MAP4K3: variants seen among roughly 807,000 people sequenced by gnomAD.
The protein encoded by MAP4K3 is mitogen-activated protein kinase kinase kinase kinase 3, also known as MAPK/ERK kinase kinase kinase 3.
MAP4K3 carries 94 observed loss-of-function variants against 143.5 expected under a neutral mutation model. The observed-to-expected ratio is 0.65, with a 90% CI of 0.55 to 0.78. The LOEUF (loss-of-function observed/expected upper bound fraction) is 0.78. Ranked by LOEUF, MAP4K3 falls within the 30% of genes least tolerant of loss-of-function variation. MAP4K3 has a pLI of 0.00. For synonymous variants in MAP4K3, 416 were observed against 347.2 expected (o/e 1.20, Z -2.20); for missense variants, 1,077 against 1,068.1 (o/e 1.01, Z -0.12).
chr2:39,425,948 T>TG (rs1491552233), intron 1 of MAP4K3, among the ~76,000 whole-genome samples: 2 of 152,306 alleles, frequency 1.3e-5, no homozygotes, highest in South Asian at 2.1e-4. Context: ...GAAATCAACT[T>TG]GGATATTAAA....
chr2:39,311,613 AG>A (rs1288391913), intron 13 of MAP4K3, among the ~76,000 whole-genome samples: 1 of 152,202 alleles, frequency 6.6e-6, no homozygotes, highest in African/African-American at 2.4e-5. Context: ...CTTGCTCTGG[AG>A]GAAGTCACAT....
chr2:39,370,558 C>T (rs1265915679), intron 2 of MAP4K3, among the ~76,000 whole-genome samples: 1 of 152,078 alleles, frequency 6.6e-6, no homozygotes, highest in Non-Finnish European at 1.5e-5. Flanking sequence ...CTTTGGAGGT[C>T]CATGAAAAAA....
intron 1 of MAP4K3, among the ~76,000 whole-genome samples, chr2:39,378,794 A>G (rs1666287440): frequency 6.6e-6 from 1 of 151,958 alleles, no homozygotes; most frequent in South Asian, 2.1e-4. Context: ...CACTTTAAAA[A>G]ATCAAATTAT....
At chr2:39,366,466 C>T (rs116685139) in intron 2 of MAP4K3, among the ~76,000 whole-genome samples, 2,439 of 152,240 alleles carry the variant, frequency 0.016, 49 homozygotes, top group African/African-American at 0.045. Context: ...ATGTTTCAGA[C>T]GAAATTTCAG....
chr2:39,365,168 G>C (rs946537100), intron 2 of MAP4K3, among the ~76,000 whole-genome samples: 2 of 152,092 alleles, frequency 1.3e-5, no homozygotes, highest in Non-Finnish European at 2.9e-5. Flanking sequence ...CTATACTAGA[G>C]TCAGGCTGGA....
At chr2:39,269,696 G>T (rs1188595846) in intron 26 of MAP4K3, among the ~76,000 whole-genome samples, 4 of 151,986 alleles carry the variant, frequency 2.6e-5, no homozygotes, top group African/African-American at 9.7e-5. Context: ...TTAAGTACTT[G>T]TCTTTGTGAA....
intron 3 of MAP4K3, among the ~76,000 whole-genome samples, chr2:39,348,550 T>C (rs989574228): frequency 2.0e-5 from 3 of 152,192 alleles, no homozygotes; most frequent in African/African-American, 7.2e-5. Flanking sequence ...CACTAAGCCA[T>C]ATGCCTAATA....
chr2:39,420,938 T>C (rs1476585195), intron 1 of MAP4K3, among the ~76,000 whole-genome samples: 1 of 152,150 alleles, frequency 6.6e-6, no homozygotes, highest in Non-Finnish European at 1.5e-5. Context: ...TAACTCCACA[T>C]CTTGCTTCAC....
rs1434152059 is a variant in MAP4K3, at chr2:39,291,158, A to G, written c.1272-824T>C. On this transcript the variant is annotated intron_variant, in intron 18 of 33. Transcript: ENST00000263881. The stretch of plus-strand genomic sequence containing the variant: ...GAATGTTCCAACACAAAGAAATGAT[A>G]AATGTTTGAGATGATGGATATGCTA... 2.0e-5 allele frequency among the ~76,000 whole-genome samples: 3 copies of G among 152,224 alleles called. No individual in the cohort carries two copies. The East Asian group carries it at 5.8e-4, about 29-fold the overall frequency.
At chr2:39,424,126 T>C (rs899859965) in intron 1 of MAP4K3, among the ~76,000 whole-genome samples, 1 of 152,102 alleles carries the variant, frequency 6.6e-6, no homozygotes, top group African/African-American at 2.4e-5. Context: ...ATATTTTTCG[T>C]AGAGACAGGG....
chr2:39,330,612 C>T (rs1036686965), intron 8 of MAP4K3, among the ~76,000 whole-genome samples: 35 of 151,984 alleles, frequency 2.3e-4, no homozygotes, highest in African/African-American at 7.7e-4. Flanking sequence ...GGGAAAATGA[C>T]TCCAGGAAGG....
intron 2 of MAP4K3, among the ~76,000 whole-genome samples, chr2:39,359,169 C>T (rs1665694714): frequency 6.6e-6 from 1 of 152,144 alleles, no homozygotes; most frequent in Non-Finnish European, 1.5e-5. Context: ...ACAGCTGTTC[C>T]AATGGGAGAA....
chr2:39,340,563 A>G (rs1195814770), intron 4 of MAP4K3, among the ~76,000 whole-genome samples: 6 of 152,210 alleles, frequency 3.9e-5, no homozygotes, highest in Non-Finnish European at 2.9e-5. Flanking sequence ...GAATCATGAC[A>G]ACCTATTTCT....
chr2:39,349,259 A>T (rs1665382056), intron 3 of MAP4K3, among the ~76,000 whole-genome samples: 1 of 152,214 alleles, frequency 6.6e-6, no homozygotes, highest in Non-Finnish European at 1.5e-5. Flanking sequence ...AAAATTTTTA[A>T]ACTTTTTTGG....
chr2:39,372,803 G>T (rs565520658), intron 2 of MAP4K3, among the ~76,000 whole-genome samples: 2 of 152,108 alleles, frequency 1.3e-5, no homozygotes, highest in South Asian at 4.1e-4. Flanking sequence ...ATGGATTAAA[G>T]ACATAAATCT....
intron 1 of MAP4K3, among the ~76,000 whole-genome samples, chr2:39,404,813 G>C (rs1366690148): frequency 2.0e-5 from 3 of 151,962 alleles, no homozygotes; most frequent in African/African-American, 7.2e-5. Context: ...CAGAGACGGG[G>C]TTTCTCCATG....
chr2:39,278,572 GTATTAACATA>G (rs1218950449), intron 23 of MAP4K3, 86 bp from the exon 24 acceptor site: 6 of 709,516 alleles, frequency 8.5e-6, no homozygotes, highest in South Asian at 4.0e-5. Flanking sequence ...CCGTAAATAA[GTATTAACATA>G]TAAAACAAGA....
intron 1 of MAP4K3, among the ~76,000 whole-genome samples, chr2:39,381,151 T>C (rs1056877721): frequency 1.3e-5 from 2 of 152,248 alleles, no homozygotes; most frequent in African/African-American, 4.8e-5. Context: ...ATTTATGTGT[T>C]ACTGCCAAAT....
intron 2 of MAP4K3, among the ~76,000 whole-genome samples, chr2:39,369,467 G>A (rs1251149939): frequency 1.3e-5 from 2 of 152,022 alleles, no homozygotes; most frequent in Non-Finnish European, 2.9e-5. Flanking sequence ...AGTATTTAAG[G>A]CTTTCCATAA....
Sources: allele counts gnomAD v4.1 joint callset (sites outside exome capture counted in the v4.1 genomes callset), GRCh38; gene constraint gnomAD v4.1.1; transcripts MANE v1.5; gene names NCBI Gene and HGNC (gene_info 2026-07-23, HGNC 2026-07-21).